Variants in TBC1D5 observed in about 807,000 individuals in gnomAD.
The protein encoded by TBC1D5 is TBC1 domain family member 5.
A neutral mutation model predicts 100.3 loss-of-function variants in TBC1D5; 75 were observed. The observed-to-expected ratio is 0.75, with a 90% confidence interval of 0.62 to 0.91. The LOEUF (loss-of-function observed/expected upper bound fraction) is 0.91, where lower values mean the gene tolerates loss of function less well. TBC1D5 is among the 40% of genes least tolerant of loss of function. The probability of loss-of-function intolerance (pLI) is 0.00; values close to 1 mark genes in which losing one functional copy is unlikely to be tolerated. For missense variants in TBC1D5, 910 were observed against 942.4 expected (o/e 0.97, Z 0.45); for synonymous variants, 323 against 325.6 (o/e 0.99, Z 0.09).
intron 14 of TBC1D5, among the ~76,000 whole-genome samples, chr3:17,301,513 C>T (rs2082832038): frequency 6.6e-6 from 1 of 152,172 alleles, no homozygotes; most frequent in South Asian, 2.1e-4. Context: ...ATTAACTGAG[C>T]ACATGAAGAG....
At chr3:17,462,493 A>T (rs1421335957) in intron 3 of TBC1D5, among the ~76,000 whole-genome samples, 1 of 151,566 alleles carries the variant, frequency 6.6e-6, no homozygotes, top group African/African-American at 2.4e-5. Context: ...GCTAATTTTT[A>T]TTTTTTTGTA....
At chr3:17,337,700 C>G (rs2088151780) in intron 13 of TBC1D5, 1 of 152,090 alleles carries the variant, frequency 6.6e-6, no homozygotes. Context: ...TTCTTTAAAG[C>G]AGAACATGAA....
At chr3:17,380,039 C>CTGTGTGTGTGTG (rs1442340088) in intron 9 of TBC1D5, among the ~76,000 whole-genome samples, 12 of 100,008 alleles carry the variant, frequency 1.2e-4, no homozygotes, top group Admixed American at 2.4e-4. Context: ...ACAGCTGTGA[C>CTGTGTGTGTGTG]TGTGTATGTG....
intron 3 of TBC1D5, among the ~76,000 whole-genome samples, chr3:17,500,764 CA>C (rs1269318696): frequency 6.7e-6 from 1 of 149,482 alleles, no homozygotes; most frequent in African/African-American, 2.5e-5. Context: ...AAGTTCTAAT[CA>C]TGGGGACTTT....
intron 18 of TBC1D5, among the ~76,000 whole-genome samples, chr3:17,194,196 T>G (rs752240694): frequency 1.3e-5 from 2 of 152,220 alleles, no homozygotes; most frequent in African/African-American, 2.4e-5. Flanking sequence ...AATATTTACT[T>G]CTGAATATCT....
intron 1 of TBC1D5, among the ~76,000 whole-genome samples, chr3:17,650,934 G>A (rs2065488792): frequency 6.6e-6 from 1 of 152,152 alleles, no homozygotes; most frequent in Non-Finnish European, 1.5e-5. Flanking sequence ...TGACATGTAA[G>A]AATTTCATTT....
chr3:17,202,256 C>G (rs1323052632), intron 18 of TBC1D5, among the ~76,000 whole-genome samples: 1 of 152,158 alleles, frequency 6.6e-6, no homozygotes, highest in African/African-American at 2.4e-5. Flanking sequence ...TTGAGAATGA[C>G]AATTTAGGGT....
intron 13 of TBC1D5, among the ~76,000 whole-genome samples, chr3:17,348,813 A>AT (rs2090221007): frequency 6.6e-6 from 1 of 152,156 alleles, no homozygotes; most frequent in Non-Finnish European, 1.5e-5. Context: ...TTCTAAGTGT[A>AT]TTTTTTATGA....
chr3:17,617,524 A>G (rs1203995499), intron 2 of TBC1D5, among the ~76,000 whole-genome samples: 1 of 152,240 alleles, frequency 6.6e-6, no homozygotes, highest in Admixed American at 6.5e-5. Flanking sequence ...TGTCAGCTTC[A>G]GGTACACCAA....
chr3:17,531,710 A>G (rs1415622286), intron 2 of TBC1D5, among the ~76,000 whole-genome samples: 1 of 152,172 alleles, frequency 6.6e-6, no homozygotes, highest in Non-Finnish European at 1.5e-5. Context: ...TCTTTGACAA[A>G]CCTGAGAAAA....
intron 18 of TBC1D5, 147 bp downstream of exon 19, chr3:17,214,060 A>G (rs2073317539): frequency 2.6e-6 from 2 of 773,762 alleles, no homozygotes; most frequent in African/African-American, 3.7e-5. Context: ...AAAGTAAAAT[A>G]ATAAAATACT....
At chr3:17,617,228 T>G (rs941567332) in intron 2 of TBC1D5, among the ~76,000 whole-genome samples, 2 of 152,212 alleles carry the variant, frequency 1.3e-5, no homozygotes, top group South Asian at 4.1e-4. Context: ...TCTTCTGGCT[T>G]ATAGGGTTTC....
At chr3:17,653,478 G>C (rs1349868254) in intron 1 of TBC1D5, among the ~76,000 whole-genome samples, 2 of 151,944 alleles carry the variant, frequency 1.3e-5, no homozygotes, top group Non-Finnish European at 2.9e-5. Flanking sequence ...AGGCCAAATT[G>C]AGGGATATTC....
At chr3:17,178,308 A>G (rs945437977) in intron 19 of TBC1D5, among the ~76,000 whole-genome samples, 3 of 151,592 alleles carry the variant, frequency 2.0e-5, no homozygotes, top group Non-Finnish European at 2.9e-5. Context: ...CTCGTGATCC[A>G]CCCACCTCGG....
At chr3:17,182,458 C>T (rs930043664) in intron 19 of TBC1D5, among the ~76,000 whole-genome samples, 1 of 152,190 alleles carries the variant, frequency 6.6e-6, no homozygotes, top group Non-Finnish European at 1.5e-5. Context: ...GATTGAAAGA[C>T]CAAAGTCAGA....
chr3:17,378,553 T>C (rs1235016063), intron 9 of TBC1D5, among the ~76,000 whole-genome samples: 5 of 151,946 alleles, frequency 3.3e-5, no homozygotes, highest in Non-Finnish European at 5.9e-5. Flanking sequence ...TGATGTCTAA[T>C]AGTTCTATAC....
intron 2 of TBC1D5, among the ~76,000 whole-genome samples, chr3:17,519,705 A>G (rs1481269543): frequency 6.6e-6 from 1 of 152,230 alleles, no homozygotes; most frequent in Non-Finnish European, 1.5e-5. Context: ...ATTCCCAGAT[A>G]TGAGGACTAA....
At chr3:17,559,674 C>T (rs1387623129) in intron 2 of TBC1D5, among the ~76,000 whole-genome samples, 2 of 151,644 alleles carry the variant, frequency 1.3e-5, no homozygotes, top group Non-Finnish European at 2.9e-5. Context: ...ACTGCAACCT[C>T]CACGTCCTGG....
At position 17,617,923 on chromosome 3, in the gene TBC1D5, A is replaced by T. The variant is rs1416390450; in HGVS notation, c.-36+5926T>A. Reference sequence around the variant, plus strand: ...TGTCAACTCATCAAAGTCTTCCTCCATACAGCTTTATTCTGTTGCTGGCAA... The same window carrying T: ...TGTCAACTCATCAAAGTCTTCCTCCTTACAGCTTTATTCTGTTGCTGGCAA... On this transcript the variant is annotated intron_variant, in intron 2 of 21. Transcript: ENST00000253692. Among the ~76,000 whole-genome samples the T allele has an allele frequency of 2.6e-5, 4 of 152,170 alleles. No individual in the cohort carries two copies. The East Asian group carries it at 7.7e-4, about 29-fold the overall frequency.
Sources: gnomAD v4.1 joint callset for allele counts (sites outside exome capture counted in the v4.1 genomes callset) on GRCh38, gnomAD v4.1.1 for gene constraint, MANE v1.5 for transcripts, NCBI Gene and HGNC (gene_info 2026-07-23, HGNC 2026-07-21) for gene names.